The following SEC23IP variants were observed in gnomAD, a reference collection of about 807,000 sequenced individuals.
SEC23IP encodes SEC23 interacting protein, also known as SEC23-interacting protein.
Under a neutral mutation model 113.4 loss-of-function variants are expected in SEC23IP, and 70 were observed. The observed-to-expected ratio is 0.62, with a 90% CI of 0.51 to 0.75. SEC23IP has a LOEUF of 0.75. Among genes scored for constraint, SEC23IP ranks in the 30% least tolerant of loss-of-function variants. SEC23IP has a pLI of 0.00. For missense variants in SEC23IP, 1,160 were observed against 1,204.9 expected (o/e 0.96, Z 0.55); for synonymous variants, 398 against 421.0 (o/e 0.95, Z 0.67).
chr10:119,894,180 A>G (rs187304211), intron 1 of SEC23IP, among the ~76,000 whole-genome samples: 22 of 152,348 alleles, frequency 1.4e-4, no homozygotes, highest in African/African-American at 4.8e-4. Flanking sequence ...TGTGAAATAA[A>G]CACACCTGCC....
At chr10:119,895,852 C>T (rs1015428296) in intron 1 of SEC23IP, among the ~76,000 whole-genome samples, 1 of 152,198 alleles carries the variant, frequency 6.6e-6, no homozygotes, top group Non-Finnish European at 1.5e-5. Flanking sequence ...CAGTAGATCA[C>T]TTTGACTAGA....
intron 12 of SEC23IP, 35 bp downstream of exon 12, chr10:119,921,019 C>T (rs1478422473): frequency 2.8e-6 from 4 of 1,445,768 alleles, no homozygotes; most frequent in Non-Finnish European, 3.9e-6. Context: ...AAAACTAAAA[C>T]TCATGGTGTG....
At chr10:119,903,124 G>A in intron 3 of SEC23IP, 115 bp downstream of exon 3, 2 of 830,210 alleles carry the variant, frequency 2.4e-6, no homozygotes, top group Non-Finnish European at 3.8e-6. Context: ...ATAGACCCCA[G>A]ACTCTGTACC....
chr10:119,919,357 A>T, intron 10 of SEC23IP, 87 bp from the exon 11 acceptor site: 1 of 1,260,990 alleles, frequency 7.9e-7, no homozygotes, highest in Non-Finnish European at 1.1e-6. Flanking sequence ...TGTAAAGCAA[A>T]ATTGTTTGAG....
At chr10:119,919,319 A>G (rs1855161761) in intron 10 of SEC23IP, 125 bp from the exon 11 acceptor site, 1 of 869,446 alleles carries the variant, frequency 1.2e-6, no homozygotes, top group Non-Finnish European at 1.7e-6. Flanking sequence ...TGAATGGCAA[A>G]GTACTGTGCC....
rs1236202684 is a variant in SEC23IP, at chr10:119,930,417, A to G, written c.2558A>G (p.Lys853Arg). 5.0e-6 allele frequency: 8 copies of G among 1,605,540 alleles called. No individual in the cohort carries two copies. The highest frequency in any genetic ancestry group is 1.7e-5 in the Admixed American group (1 of 59,754). The change falls in exon 15 of 19, where the codon AAA becomes AGA. Residue 853 changes from lysine to arginine, a missense_variant. Lys to Arg is a conservative substitution (Grantham distance 26). Coordinates refer to ENST00000369075, the MANE Select transcript of SEC23IP (RefSeq NM_007190.4). The part of the protein sequence containing the change: ...AVLIPHHKGR[K>R]RLHLELKESL... ...CTCATTCCACATCACAAAGGCAGAA[A>G]AAGACTTCATTTAGGTAAAAAGCAA...
At chr10:119,935,959 G>A (rs1232044223) in intron 18 of SEC23IP, among the ~76,000 whole-genome samples, 1 of 152,188 alleles carries the variant, frequency 6.6e-6, no homozygotes, top group Non-Finnish European at 1.5e-5. Context: ...GTATTCCATT[G>A]ACTATTGCAC....
intron 2 of SEC23IP, 129 bp from the exon 3 acceptor site, chr10:119,902,670 C>A: frequency 1.3e-6 from 1 of 752,166 alleles, no homozygotes; most frequent in Non-Finnish European, 2.2e-6. Flanking sequence ...GCTTTGGGGT[C>A]TAGTTATTAC....
At chr10:119,900,957 G>A (rs1390269053) in intron 2 of SEC23IP, among the ~76,000 whole-genome samples, 1 of 138,682 alleles carries the variant, frequency 7.2e-6, no homozygotes, top group East Asian at 2.1e-4. Context: ...TTTTTTTTGT[G>A]TGAACATACT....
rs1454757723 is a variant in SEC23IP, at chr10:119,920,920, T to C, written c.2057T>C (p.Met686Thr). Reference protein sequence around the residue: ...LMCTVDDLKEMGIPLGPRKKI... With the variant: ...LMCTVDDLKETGIPLGPRKKI... ...TGTACAGTTGATGACCTGAAGGAAATGGGGATACCCCTTGGACCCAGAAAG... is the reference window on the plus strand; with the variant it reads ...TGTACAGTTGATGACCTGAAGGAAACGGGGATACCCCTTGGACCCAGAAAG... Residue 686 changes from methionine to threonine, a missense_variant, in exon 12 of 19, where the codon ATG becomes ACG. Coordinates refer to ENST00000369075, the MANE Select transcript of SEC23IP (RefSeq NM_007190.4). 6.2e-7 allele frequency: 1 copy of C among 1,613,686 alleles called. No individual in the cohort carries two copies. Among genetic ancestry groups the C allele is most frequent in the Non-Finnish European group, 8.5e-7 (1 of 1,179,660 alleles).
intron 4 of SEC23IP, among the ~76,000 whole-genome samples, chr10:119,908,359 T>C (rs1164105320): frequency 1.3e-5 from 2 of 152,332 alleles, no homozygotes; most frequent in East Asian, 1.9e-4. Context: ...GTACTTAAAA[T>C]GTCTATTATG....
intron 14 of SEC23IP, among the ~76,000 whole-genome samples, 166 bp downstream of exon 14, chr10:119,929,928 C>T (rs1435918782): frequency 1.3e-5 from 2 of 152,164 alleles, no homozygotes; most frequent in Admixed American, 6.5e-5. Flanking sequence ...GGATTATAGG[C>T]GTGAGCCACT....
At chr10:119,933,246 T>C in intron 17 of SEC23IP, 79 bp downstream of exon 17, 1 of 1,093,414 alleles carries the variant, frequency 9.1e-7, no homozygotes, top group Non-Finnish European at 1.4e-6. Flanking sequence ...TTAGTGAGAT[T>C]CTTTTACTGA....
chr10:119,915,726 C>CT (rs398046283), intron 7 of SEC23IP, 22 bp from the exon 8 acceptor site: 105,367 of 937,418 alleles, frequency 0.11, 4 homozygotes, highest in Non-Finnish European at 0.12. Context: ...TTTATTTTCT[C>CT]TTTTTTTTTT....
intron 10 of SEC23IP, 151 bp from the exon 11 acceptor site, chr10:119,919,293 C>G (rs1330488146): frequency 1.5e-6 from 1 of 679,378 alleles, no homozygotes; most frequent in African/African-American, 1.8e-5. Context: ...TGGGCCTGGC[C>G]AGAATATTCA....
At chr10:119,907,185 A>G (rs1339687825) in intron 4 of SEC23IP, among the ~76,000 whole-genome samples, 1 of 151,622 alleles carries the variant, frequency 6.6e-6, no homozygotes, top group East Asian at 2.0e-4. Context: ...AATCCCAGCT[A>G]CTCAGGAGGC....
chr10:119,927,798 C>A (rs572334321), intron 13 of SEC23IP, among the ~76,000 whole-genome samples: 7 of 152,266 alleles, frequency 4.6e-5, no homozygotes, highest in African/African-American at 1.7e-4. Flanking sequence ...TTTAAGTAGT[C>A]TAGTGATGAA....
intron 17 of SEC23IP, 33 bp downstream of exon 17, chr10:119,933,200 G>A: frequency 6.3e-7 from 1 of 1,599,050 alleles, no homozygotes; most frequent in Non-Finnish European, 8.6e-7. Flanking sequence ...ACATTTGAGT[G>A]GGCTTTTGGT....
intron 5 of SEC23IP, 98 bp from the exon 6 acceptor site, chr10:119,911,946 G>C: frequency 7.2e-7 from 1 of 1,391,606 alleles, no homozygotes; most frequent in Non-Finnish European, 9.9e-7. Flanking sequence ...TAAACTCTCC[G>C]TACTCTGAGG....
Sources: allele counts gnomAD v4.1 joint callset (sites outside exome capture counted in the v4.1 genomes callset), GRCh38; gene constraint gnomAD v4.1.1; transcripts MANE v1.5; gene names NCBI Gene and HGNC (gene_info 2026-07-23, HGNC 2026-07-21).